VWC2: variants seen among roughly 807,000 people sequenced by gnomAD.
VWC2 encodes brorin.
In VWC2, 14 loss-of-function variants were observed where a neutral mutation model predicts 29.8. The observed-to-expected ratio is 0.47, with a 90% confidence interval of 0.31 to 0.74. VWC2 has a LOEUF of 0.74. Ranked by LOEUF, VWC2 falls within the 30% of genes least tolerant of loss-of-function variation. The pLI, the probability that VWC2 is intolerant of heterozygous loss-of-function variation, is 0.05. For missense variants in VWC2, 457 were observed against 459.8 expected (o/e 0.99, Z 0.05); for synonymous variants, 213 against 199.0 (o/e 1.07, Z -0.59).
intron 3 of VWC2, among the ~76,000 whole-genome samples, chr7:49,829,655 C>G (rs2128711090): frequency 6.6e-6 from 1 of 152,336 alleles, no homozygotes; most frequent in South Asian, 2.1e-4. Context: ...CCATTGTCTC[C>G]TTTCTCCTTA....
rs1201930610 is a variant in VWC2 at position 49,915,747 on chromosome 7, A to G, written c.*3562A>G. The G allele has an allele frequency of 6.6e-6, 1 of 152,234 alleles. No individual in the cohort carries two copies. The highest frequency in any genetic ancestry group is 1.5e-5 in the Non-Finnish European group (1 of 68,030). The allele number at this position is 152,234 out of a possible 1,614,324, so 9.4% of individuals were successfully genotyped here. ...TTAACAATTTGCTAAATTTGCTTCAATGGGCAAGAGATCAATCCTACTTTT... is the reference window on the plus strand; with the variant it reads ...TTAACAATTTGCTAAATTTGCTTCAGTGGGCAAGAGATCAATCCTACTTTT... On this transcript the variant is annotated 3_prime_UTR_variant, in exon 4 of 4. Transcript: ENST00000340652.
Position 49,918,004 on chromosome 7 carries a change from T to C in VWC2, c.*5819T>C, listed in dbSNP as rs547354865. The C allele has an allele frequency of 7.9e-5, 12 of 152,330 alleles. No individual in the cohort carries two copies. The highest frequency in any genetic ancestry group is 2.9e-4 in the African/African-American group (12 of 41,590). The allele number at this position is 152,330 out of a possible 1,614,324, so 9.4% of individuals were successfully genotyped here. On this transcript the variant is annotated 3_prime_UTR_variant, in exon 4 of 4. Coordinates refer to ENST00000340652, the MANE Select transcript of VWC2 (RefSeq NM_198570.5). The stretch of plus-strand genomic sequence containing the variant: ...AAGTATCCAGTAAGTAATATACACC[T>C]ATGAAACTATTAATGTTCTTTATAC...
At chr7:49,890,395 T>G (rs1289777341) in intron 3 of VWC2, among the ~76,000 whole-genome samples, 1 of 152,230 alleles carries the variant, frequency 6.6e-6, no homozygotes, top group Non-Finnish European at 1.5e-5. Context: ...ACAGTCAGTA[T>G]GGAAAGGAAT....
chr7:49,853,928 T>A lies in VWC2; in HGVS notation c.826+51088T>A, dbSNP rs1210302449. On this transcript the variant is annotated intron_variant, in intron 3 of 3. Coordinates refer to ENST00000340652, the MANE Select transcript of VWC2 (RefSeq NM_198570.5). ...CCCTTCCTGTGTCCAAATGTTTTCA[T>A]TGTTCAATTCCCACCTATGAGTGAG... 4.2e-5 allele frequency among the ~76,000 whole-genome samples: 6 copies of A among 144,560 alleles called. No individual in the cohort carries two copies. In the South Asian group the frequency reaches 1.1e-3, roughly 27 times the overall value. The allele number at this position is 144,560 out of a possible 152,430, so 94.8% of individuals were successfully genotyped here. A position where few individuals can be genotyped will look rare whatever the true frequency, so the allele number is the denominator to read the frequency against.
At position 49,776,146 on chromosome 7, in the gene VWC2, C is replaced by T. The variant is rs1373734134; in HGVS notation, c.696+15C>T. 6.7e-7 allele frequency: 1 copy of T among 1,494,122 alleles called. No homozygotes were observed. The allele number at this position is 1,494,122 out of a possible 1,614,324, so 92.6% of individuals were successfully genotyped here. A position where few individuals can be genotyped will look rare whatever the true frequency, so the allele number is the denominator to read the frequency against. On this transcript the variant is annotated intron_variant, in intron 2 of 3. Transcript: ENST00000340652. ...AGGAGTTCGTGGTAAGATGCGAACG[C>T]CCGCCGGGCGACTTTGCACCTTCCA...
At chr7:49,900,921 A>T (rs1792689604) in intron 3 of VWC2, among the ~76,000 whole-genome samples, 1 of 151,868 alleles carries the variant, frequency 6.6e-6, no homozygotes, top group Non-Finnish European at 1.5e-5. Context: ...TCACAACTAC[A>T]TGGGATTTAT....
At chr7:49,795,820 G>T (rs1188472380) in intron 2 of VWC2, among the ~76,000 whole-genome samples, 2 of 152,210 alleles carry the variant, frequency 1.3e-5, no homozygotes, top group Non-Finnish European at 2.9e-5. Context: ...TCATAGATGT[G>T]ACTGAGAGAT....
At chr7:49,898,313 GT>G (rs540380787) in intron 3 of VWC2, among the ~76,000 whole-genome samples, 279 of 146,976 alleles carry the variant, frequency 1.9e-3, no homozygotes, top group African/African-American at 6.0e-3. Context: ...AAACATCGAA[GT>G]TTTTTTTTTT....
At chr7:49,790,914 A>C (rs762851809) in intron 2 of VWC2, among the ~76,000 whole-genome samples, 1 of 152,044 alleles carries the variant, frequency 6.6e-6, no homozygotes, top group East Asian at 1.9e-4. Flanking sequence ...GGTGGTGAGG[A>C]GGGCTGACAG....
intron 3 of VWC2, among the ~76,000 whole-genome samples, chr7:49,871,092 C>A (rs1791130454): frequency 6.6e-6 from 1 of 151,998 alleles, no homozygotes; most frequent in Non-Finnish European, 1.5e-5. Flanking sequence ...TGGAGCCATC[C>A]AAGAAGGACT....
rs1400237118 is a variant in VWC2 at position 49,913,797 on chromosome 7, G to C, written c.*1612G>C. 1 of 152,108 alleles carries C rather than the reference G, an allele frequency of 6.6e-6. No individual in the cohort carries two copies. The highest frequency in any genetic ancestry group is 1.5e-5 in the Non-Finnish European group (1 of 68,002). 9.4% of individuals were successfully genotyped at this position (152,108 alleles called of 1,614,324 possible). On this transcript the variant is annotated 3_prime_UTR_variant, in exon 4 of 4. Coordinates refer to ENST00000340652, the MANE Select transcript of VWC2 (RefSeq NM_198570.5). ...TATAAAAAATAATTCAATCATTAAA[G>C]ACTGAATAACATTCAAGAAAAATGG... is the stretch of plus-strand genomic sequence containing the variant.
intron 2 of VWC2, among the ~76,000 whole-genome samples, chr7:49,792,985 T>C (rs547693421): frequency 6.6e-6 from 1 of 152,312 alleles, no homozygotes; most frequent in East Asian, 1.9e-4. Context: ...TCGTGCTTAT[T>C]CCTTTACAGT....
intron 3 of VWC2, among the ~76,000 whole-genome samples, chr7:49,863,986 C>T (rs1428610827): frequency 6.6e-6 from 1 of 151,482 alleles, no homozygotes; most frequent in Non-Finnish European, 1.5e-5. Context: ...AAATATTTTC[C>T]CTTTAGTTTT....
chr7:49,777,742 T>G (rs1054750134), intron 2 of VWC2, among the ~76,000 whole-genome samples: 20 of 152,052 alleles, frequency 1.3e-4, no homozygotes, highest in Non-Finnish European at 1.5e-5. Flanking sequence ...CTGGTAGATA[T>G]CTCTCCAGGT....
At chr7:49,905,376 C>T (rs1045970202) in intron 3 of VWC2, among the ~76,000 whole-genome samples, 4 of 152,110 alleles carry the variant, frequency 2.6e-5, no homozygotes, top group African/African-American at 9.7e-5. Flanking sequence ...TGTGAAAGAA[C>T]CAGTACAATA....
intron 3 of VWC2, among the ~76,000 whole-genome samples, chr7:49,841,595 G>A (rs1290714457): frequency 6.6e-6 from 1 of 152,184 alleles, no homozygotes; most frequent in Non-Finnish European, 1.5e-5. Flanking sequence ...TGCTTTGGAC[G>A]TGGAGCTTTT....
chr7:49,883,226 G>A lies in VWC2; in HGVS notation c.827-28808G>A, dbSNP rs558353573. ...GTCGACTGACCCGAACCTGCCAAGC[G>A]GAACCTAACCCAGGGAGGCGTCTTT... On this transcript the variant is annotated intron_variant, in intron 3 of 3. Transcript: ENST00000340652. Among the ~76,000 whole-genome samples, 10 of 152,184 alleles carry A rather than the reference G, an allele frequency of 6.6e-5. No individual in the cohort carries two copies. In the South Asian group the frequency reaches 1.9e-3, roughly 28 times the overall value.
At chr7:49,904,334 C>T (rs1792961375) in intron 3 of VWC2, among the ~76,000 whole-genome samples, 2 of 152,196 alleles carry the variant, frequency 1.3e-5, no homozygotes, top group South Asian at 4.1e-4. Flanking sequence ...TAAGCTGTAA[C>T]TTTGGGAAAA....
chr7:49,869,395 G>T (rs2128722728), intron 3 of VWC2, among the ~76,000 whole-genome samples: 1 of 152,152 alleles, frequency 6.6e-6, no homozygotes, highest in Non-Finnish European at 1.5e-5. Flanking sequence ...GGGGAGGAAG[G>T]ACTATTTCAA....
Sources: allele counts gnomAD v4.1 joint callset (sites outside exome capture counted in the v4.1 genomes callset), GRCh38; gene constraint gnomAD v4.1.1; transcripts MANE v1.5; gene names NCBI Gene and HGNC (gene_info 2026-07-23, HGNC 2026-07-21).